The following CHDH variants were observed in gnomAD, a reference collection of about 807,000 sequenced individuals.
CHDH encodes choline dehydrogenase, mitochondrial.
In CHDH, 43 loss-of-function variants were observed where a neutral mutation model predicts 56.9. That is an observed-to-expected ratio of 0.76 (90% CI 0.59 to 0.97). The LOEUF is 0.97. Among genes scored for constraint, CHDH ranks in the 50% least tolerant of loss-of-function variants. CHDH has a pLI of 0.00. For missense variants in CHDH, 816 were observed against 821.1 expected, an observed-to-expected ratio of 0.99 and a Z score of 0.08; for synonymous variants, 364 against 348.5, an observed-to-expected ratio of 1.04 and a Z score of -0.50.
At chr3:53,828,492 A>G (rs1396819258) in intron 2 of CHDH, among the ~76,000 whole-genome samples, 1 of 152,282 alleles carries the variant, frequency 6.6e-6, no homozygotes, top group Admixed American at 6.5e-5. Context: ...AATCTTTGCA[A>G]AAGATACACC....
chr3:53,817,508 C>G lies in CHDH; in HGVS notation c.*269G>C. 1 of 471,262 alleles carries G rather than the reference C, an allele frequency of 2.1e-6. No individual in the cohort carries two copies. The highest frequency in any genetic ancestry group is 3.9e-5 in the Admixed American group (1 of 25,790). 29.2% of individuals were successfully genotyped at this position (471,262 alleles called of 1,614,324 possible). ...GGAGTTAACCATCCTCCCCTTCTGT[C>G]CCTCCAGGAGGCAGGGAGGAACATC... is the stretch of plus-strand genomic sequence containing the variant. On this transcript the variant is annotated 3_prime_UTR_variant, in exon 9 of 9. Transcript: ENST00000315251.
chr3:53,820,949 G>A (rs988058340), intron 5 of CHDH, among the ~76,000 whole-genome samples: 2 of 152,274 alleles, frequency 1.3e-5, no homozygotes, highest in Admixed American at 1.3e-4. Flanking sequence ...TTGCTGGATG[G>A]TGATGGCCAG....
chr3:53,819,037 G>T lies in CHDH; in HGVS notation c.1267C>A (p.His423Asn), dbSNP rs769624590. ...VPTQQEAYQVHVGPMRGTSVG... is the reference protein window; with the variant it reads ...VPTQQEAYQVNVGPMRGTSVG... ...CTCGTGCCCCGCATGGGCCCCACAT[G>T]TACCTAGAAGAACACAGAGGAAGCA... The change falls in exon 8 of 9, where the codon CAT becomes AAT. Residue 423 changes from histidine (H) to asparagine (N), a missense_variant. His to Asn is a moderately conservative substitution (Grantham distance 68). Transcript: ENST00000315251. The surrounding 1 kb of genome is among the most constrained non-coding windows in gnomAD (Gnocchi z 5.4). 6.2e-7 allele frequency: 1 copy of T among 1,607,200 alleles called. No homozygotes were observed. The highest frequency in any genetic ancestry group is 8.5e-7 in the Non-Finnish European group (1 of 1,174,116).
At chr3:53,820,436 A>T (rs1277995898) in intron 6 of CHDH, 38 bp downstream of exon 6, 2 of 1,586,290 alleles carry the variant, frequency 1.3e-6, no homozygotes, top group Admixed American at 1.7e-5. Flanking sequence ...CAATGCTTAT[A>T]GGCAGTCTCC....
chr3:53,843,870 A>C (rs1039676267), intron 1 of CHDH, among the ~76,000 whole-genome samples: 1 of 152,228 alleles, frequency 6.6e-6, no homozygotes. Flanking sequence ...AAGAGCAGTG[A>C]CTTGCCAGAG....
chr3:53,823,616 G>A lies in CHDH; in HGVS notation c.393C>T (p.Ser131=). 6.5e-7 allele frequency: 1 copy of A among 1,543,960 alleles called. No homozygotes were observed. The highest frequency in any genetic ancestry group is 8.7e-7 in the Non-Finnish European group (1 of 1,146,234). The change falls in exon 3 of 9, where the codon TCC becomes TCT. Residue 131 remains serine (S), a synonymous_variant. Transcript: ENST00000315251. ...CGTAGACCATGGCATTGAGGGATGAGGAGCCACCCCAGACGCGGCCGCGTG... is the reference window on the plus strand; with the variant it reads ...CGTAGACCATGGCATTGAGGGATGAAGAGCCACCCCAGACGCGGCCGCGTG... The part of the protein sequence containing the change: ...YWPRGRVWGG[S]SSLNAMVYVR...
chr3:53,812,714 T>C lies in CHDH; in HGVS notation c.*5063A>G, dbSNP rs877483. On this transcript the variant is annotated 3_prime_UTR_variant, in exon 9 of 9. Coordinates refer to ENST00000315251, the MANE Select transcript of CHDH (RefSeq NM_018397.5). ...TTTGCATCGCTGGTGCAGAAATGCA[T>C]AGGTGGATGAGATATAGCTGCTCTT... 0.59 allele frequency: 90,366 copies of C among 152,130 alleles called. 27,153 individuals carry two copies. The highest frequency in any genetic ancestry group is 0.86 in the East Asian group (4,453 of 5,184). 9.4% of individuals were successfully genotyped at this position (152,130 alleles called of 1,614,324 possible). A position where few individuals can be genotyped will look rare whatever the true frequency, so the allele number is the denominator to read the frequency against.
intron 4 of CHDH, among the ~76,000 whole-genome samples, 164 bp downstream of exon 4, chr3:53,822,327 C>T (rs184675299): frequency 3.9e-5 from 6 of 152,172 alleles, no homozygotes; most frequent in Admixed American, 3.9e-4. Context: ...GGCTTCTTCA[C>T]CTCCACCAGC....
At chr3:53,825,957 A>G (rs1397572615) in intron 2 of CHDH, among the ~76,000 whole-genome samples, 1 of 152,136 alleles carries the variant, frequency 6.6e-6, no homozygotes, top group African/African-American at 2.4e-5. Context: ...CTCTAGTCCT[A>G]GTTTACTGAA....
intron 2 of CHDH, among the ~76,000 whole-genome samples, chr3:53,831,648 TAA>T (rs1698336539): frequency 6.6e-6 from 1 of 152,264 alleles, no homozygotes. Flanking sequence ...ATATATCTGA[TAA>T]GAGGTTAATA....
At chr3:53,834,143 C>A (rs772670763) in intron 2 of CHDH, among the ~76,000 whole-genome samples, 1 of 152,172 alleles carries the variant, frequency 6.6e-6, no homozygotes, top group Non-Finnish European at 1.5e-5. Context: ...ATTTCAAATT[C>A]TCAAATCAGT....
In CHDH at chr3:53,823,797, T is replaced by A. The variant is rs1373883547; in HGVS notation, c.212A>T (p.Glu71Val). 1 of 1,581,150 alleles carries A rather than the reference T, an allele frequency of 6.3e-7. No individual in the cohort carries two copies. Among genetic ancestry groups the A allele is most frequent in the East Asian group, 2.3e-5 (1 of 43,014 alleles). ...CGCGAGCACGTCCTTGGGCCCGGCCTCCAGCAGCAGCACGCGCTCGGCGGG... is the reference window on the plus strand; with the variant it reads ...CGCGAGCACGTCCTTGGGCCCGGCCACCAGCAGCAGCACGCGCTCGGCGGG... ...EDPAERVLLLEAGPKDVLAGS... is the reference protein window; with the variant it reads ...EDPAERVLLLVAGPKDVLAGS... The change falls in exon 3 of 9, where the codon GAG (glutamate) becomes GTG (valine). Residue 71 changes from glutamate to valine, a missense_variant. Coordinates refer to ENST00000315251, the MANE Select transcript of CHDH (RefSeq NM_018397.5).
intron 6 of CHDH, 61 bp downstream of exon 6, chr3:53,820,413 A>G: frequency 6.5e-7 from 1 of 1,548,204 alleles, no homozygotes; most frequent in Non-Finnish European, 8.7e-7. Context: ...TCAGCTCCTC[A>G]GGAAGGAGGT....
At position 53,814,984 on chromosome 3, in the gene CHDH, G is replaced by A. The variant is rs940976107; in HGVS notation, c.*2793C>T. 4 of 152,150 alleles carry A rather than the reference G, an allele frequency of 2.6e-5. No homozygotes were observed. Among genetic ancestry groups the A allele is most frequent in the Non-Finnish European group, 4.4e-5 (3 of 68,074 alleles). The allele number at this position is 152,150 out of a possible 1,614,324, so 9.4% of individuals were successfully genotyped here. On this transcript the variant is annotated 3_prime_UTR_variant, in exon 9 of 9. Coordinates refer to ENST00000315251, the MANE Select transcript of CHDH (RefSeq NM_018397.5). ...CAAGAAGAATCTATTTGAATTCGTG[G>A]AGATGATGCCTGCAACCTTCGCTAC...
At chr3:53,832,694 C>T (rs1359308988) in intron 2 of CHDH, among the ~76,000 whole-genome samples, 2 of 152,106 alleles carry the variant, frequency 1.3e-5, no homozygotes, top group African/African-American at 4.8e-5. Flanking sequence ...ATAAGCCAGA[C>T]ACCAAAGGAC....
rs1046411431 is a variant in CHDH at position 53,840,984 on chromosome 3, C to T, written c.-115G>A. 2 of 152,172 alleles carry T rather than the reference C, an allele frequency of 1.3e-5. No individual in the cohort carries two copies. The highest frequency in any genetic ancestry group is 2.9e-5 in the Non-Finnish European group (2 of 68,030). 9.4% of individuals were successfully genotyped at this position (152,172 alleles called of 1,614,324 possible). ...ACTCTGTGACCGGGGCTGGCCTACA[C>T]ACTCTTTGTGATTGTCTGAGAGAGA... On this transcript the variant is annotated 5_prime_UTR_variant, in exon 2 of 9. In the 5' UTR this introduces an upstream ATG that the reference lacks. Transcript: ENST00000315251.
chr3:53,836,516 C>G (rs377068210), intron 2 of CHDH, among the ~76,000 whole-genome samples: 1 of 152,242 alleles, frequency 6.6e-6, no homozygotes, highest in East Asian at 1.9e-4. Flanking sequence ...GGATTGCCCT[C>G]CTCACCACTG....
In CHDH at chr3:53,817,455, AC is replaced by A. The variant is rs1230599012; in HGVS notation, c.*321del. 9.3e-6 allele frequency: 3 copies of A among 322,774 alleles called. No individual in the cohort carries two copies. The highest frequency in any genetic ancestry group is 6.3e-5 in the African/African-American group (3 of 47,648). The allele number at this position is 322,774 out of a possible 1,614,324, so 20.0% of individuals were successfully genotyped here. ...CCACTGCCCTGGGTTAGAGAATGCC[AC>A]GTGAACACAAGAAAAAGGATGCGGC... On this transcript the variant is annotated 3_prime_UTR_variant, in exon 9 of 9. Coordinates refer to ENST00000315251, the MANE Select transcript of CHDH (RefSeq NM_018397.5).
chr3:53,829,097 A>C (rs1698250444), intron 2 of CHDH, among the ~76,000 whole-genome samples: 1 of 152,192 alleles, frequency 6.6e-6, no homozygotes, highest in Non-Finnish European at 1.5e-5. Context: ...GCCATGAAAA[A>C]ACAAGGAGGA....
Sources: allele counts gnomAD v4.1 joint callset (sites outside exome capture counted in the v4.1 genomes callset), GRCh38; gene constraint gnomAD v4.1.1; non-coding constraint Gnocchi (gnomAD v3.1); transcripts MANE v1.5; gene names NCBI Gene and HGNC (gene_info 2026-07-23, HGNC 2026-07-21).